WDR49: variants seen among roughly 807,000 people sequenced by gnomAD.
WDR49 encodes WD repeat domain 49.
In WDR49, 107 loss-of-function variants were observed where a neutral mutation model predicts 119.5. That is an observed-to-expected ratio of 0.90 (90% confidence interval 0.77 to 1.05). WDR49 has a LOEUF of 1.05. Ranked by LOEUF, WDR49 falls within the 50% of genes least tolerant of loss-of-function variation. The pLI is 0.00. For synonymous variants in WDR49, 425 were observed against 418.8 expected (o/e 1.01, Z -0.18); for missense variants, 1,240 against 1,220.5 (o/e 1.02, Z -0.24).
chr3:167,567,248 T>A (rs1426427546), intron 8 of WDR49, among the ~76,000 whole-genome samples: 11 of 152,224 alleles, frequency 7.2e-5, no homozygotes, highest in Admixed American at 6.5e-4. Context: ...GCACTGCTTC[T>A]TCTATGTCTT....
At chr3:167,602,487 G>T (rs1715824307) in intron 6 of WDR49, among the ~76,000 whole-genome samples, 1 of 152,002 alleles carries the variant, frequency 6.6e-6, no homozygotes, top group South Asian at 2.1e-4. Flanking sequence ...GATTAGGGAA[G>T]AAAAAATTTG....
At chr3:167,549,730 G>A (rs1289128985) in intron 10 of WDR49, among the ~76,000 whole-genome samples, 3 of 152,066 alleles carry the variant, frequency 2.0e-5, no homozygotes, top group African/African-American at 7.2e-5. Flanking sequence ...GGCTTTTGTT[G>A]CCATTGCTTT....
chr3:167,515,895 GAAT>G (rs1328292500), intron 16 of WDR49, among the ~76,000 whole-genome samples: 11 of 152,076 alleles, frequency 7.2e-5, no homozygotes, highest in Non-Finnish European at 1.5e-4. Context: ...TCGCTACAGA[GAAT>G]AAAATATCTA....
At chr3:167,522,213 T>C in intron 16 of WDR49, 102 bp downstream of exon 16, 1 of 1,177,500 alleles carries the variant, frequency 8.5e-7, no homozygotes, top group Non-Finnish European at 1.2e-6. Flanking sequence ...CTTGAGGTAG[T>C]CATTGAACAT....
chr3:167,614,389 T>G (rs1413269353), intron 5 of WDR49, among the ~76,000 whole-genome samples: 1 of 152,192 alleles, frequency 6.6e-6, no homozygotes, highest in African/African-American at 2.4e-5. Context: ...ATGAGCCACC[T>G]GGCCTCATTC....
chr3:167,604,268 G>T (rs1402044207), intron 6 of WDR49, 33 bp downstream of exon 6: 1 of 1,608,902 alleles, frequency 6.2e-7, no homozygotes, highest in African/African-American at 1.3e-5. Context: ...TATTTATGAG[G>T]CCCTCATAGT....
intron 2 of WDR49, among the ~76,000 whole-genome samples, chr3:167,634,564 CCTGT>C (rs756271666): frequency 1.3e-5 from 2 of 151,790 alleles, no homozygotes; most frequent in Admixed American, 6.6e-5. Flanking sequence ...TAGTGAGCTG[CCTGT>C]CTATTTAGAA....
At chr3:167,529,556 T>C (rs542487754) in intron 13 of WDR49, among the ~76,000 whole-genome samples, 2 of 152,092 alleles carry the variant, frequency 1.3e-5, no homozygotes, top group African/African-American at 4.8e-5. Context: ...AGATAAAACA[T>C]GAAATATTAA....
chr3:167,580,302 G>C (rs978970000), intron 7 of WDR49, among the ~76,000 whole-genome samples: 3 of 152,020 alleles, frequency 2.0e-5, no homozygotes, highest in Non-Finnish European at 4.4e-5. Context: ...TTAAGCAACA[G>C]CATTGAAGTA....
chr3:167,608,243 G>A (rs1395128086), intron 5 of WDR49, among the ~76,000 whole-genome samples: 1 of 152,150 alleles, frequency 6.6e-6, no homozygotes, highest in Non-Finnish European at 1.5e-5. Context: ...ATTATAAGAT[G>A]TAAACTATAC....
chr3:167,644,074 G>A (rs1207291974), intron 2 of WDR49, among the ~76,000 whole-genome samples: 1 of 107,240 alleles, frequency 9.3e-6, no homozygotes. Context: ...TTTTTTTTTT[G>A]GATTTCTCTT....
At chr3:167,548,395 A>G (rs1453204342) in intron 10 of WDR49, among the ~76,000 whole-genome samples, 1 of 152,000 alleles carries the variant, frequency 6.6e-6, no homozygotes, top group Non-Finnish European at 1.5e-5. Context: ...GCCTACATTT[A>G]TGGTTTGACT....
chr3:167,655,927 A>ATCTCTCTCTCTCTCTC (rs1718593189), upstream of WDR49, among the ~76,000 whole-genome samples: 5 of 148,202 alleles, frequency 3.4e-5, no homozygotes, highest in Non-Finnish European at 7.5e-5. Flanking sequence ...CTCTCTCTCT[A>ATCTCTCTCTCTCTCTC]TATATATATA....
chr3:167,523,559 G>A (rs974097278), intron 15 of WDR49, among the ~76,000 whole-genome samples: 25 of 151,688 alleles, frequency 1.6e-4, no homozygotes, highest in African/African-American at 3.6e-4. Context: ...CCCCCACCCC[G>A]CAACAGTCCC....
At chr3:167,601,440 G>A (rs1299125652) in intron 7 of WDR49, among the ~76,000 whole-genome samples, 1 of 152,034 alleles carries the variant, frequency 6.6e-6, no homozygotes, top group Non-Finnish European at 1.5e-5. Flanking sequence ...CAACTATCTT[G>A]AAATCTATCA....
chr3:167,570,879 C>T (rs945762597), intron 8 of WDR49, among the ~76,000 whole-genome samples: 2 of 152,036 alleles, frequency 1.3e-5, no homozygotes, highest in African/African-American at 2.4e-5. Context: ...CTACTAAAAA[C>T]GTGAAAAGTA....
At chr3:167,542,602 C>T (rs1351657707) in intron 10 of WDR49, among the ~76,000 whole-genome samples, 2 of 151,988 alleles carry the variant, frequency 1.3e-5, no homozygotes, top group African/African-American at 2.4e-5. Flanking sequence ...ATAATAGTGA[C>T]ACAACTTTTC....
intron 7 of WDR49, among the ~76,000 whole-genome samples, chr3:167,588,535 T>G (rs958522967): frequency 6.6e-6 from 1 of 152,144 alleles, no homozygotes; most frequent in Non-Finnish European, 1.5e-5. Context: ...TTTACCAATT[T>G]ACATTCCTAC....
chr3:167,622,473 A>G (rs142323225), intron 3 of WDR49, among the ~76,000 whole-genome samples: 4 of 152,302 alleles, frequency 2.6e-5, no homozygotes, highest in African/African-American at 9.6e-5. Flanking sequence ...CATTCTGCCA[A>G]TCTTTGCCCT....
Sources: gnomAD v4.1 joint callset for allele counts (sites outside exome capture counted in the v4.1 genomes callset) on GRCh38, gnomAD v4.1.1 for gene constraint, MANE v1.5 for transcripts, NCBI Gene and HGNC (gene_info 2026-07-23, HGNC 2026-07-21) for gene names.